Variants in TEAD4 observed in about 807,000 individuals in gnomAD.
TEAD4 encodes the protein TEA domain transcription factor 4, also known as transcriptional enhancer factor TEF-3.
Under a neutral mutation model 52.4 loss-of-function variants are expected in TEAD4, and 36 were observed. That is an observed-to-expected ratio of 0.69 (90% CI 0.53 to 0.91). TEAD4 has a LOEUF of 0.91. Ranked by LOEUF, TEAD4 falls within the 40% of genes least tolerant of loss-of-function variation. The pLI is 0.00. For synonymous variants in TEAD4, 220 were observed against 231.0 expected, an observed-to-expected ratio of 0.95 and a Z score of 0.43; for missense variants, 508 against 583.9, an observed-to-expected ratio of 0.87 and a Z score of 1.34.
intron 5 of TEAD4, among the ~76,000 whole-genome samples, chr12:3,012,860 C>G (rs147523722): frequency 5.9e-5 from 9 of 152,268 alleles, no homozygotes; most frequent in African/African-American, 2.2e-4. Flanking sequence ...AGTGAGCTCT[C>G]CATCAGGGAG....
chr12:3,034,387 C>T (rs1359382946), intron 10 of TEAD4, among the ~76,000 whole-genome samples: 3 of 152,108 alleles, frequency 2.0e-5, no homozygotes, highest in African/African-American at 7.2e-5. Flanking sequence ...GATTGAAGGC[C>T]CACCCTACTA....
At position 2,988,829 on chromosome 12, in the gene TEAD4, G is replaced by A. The variant is rs962629492; in HGVS notation, c.-29-5909G>A. Among the ~76,000 whole-genome samples, 6 of 152,280 alleles carry A rather than the reference G, an allele frequency of 3.9e-5. No individual in the cohort carries two copies. The South Asian group carries it at 1.2e-3, about 32-fold the overall frequency. On this transcript the variant is annotated intron_variant, in intron 2 of 12. Coordinates refer to ENST00000359864, the MANE Select transcript of TEAD4 (RefSeq NM_003213.4). ...CACCATAGACACCTAGAAGGACTGT[G>A]TTCGAGGAGCTTCCAGAAAGCTGAA...
In TEAD4 at chr12:2,992,993, T is replaced by C. The variant is rs376116873; in HGVS notation, c.-29-1745T>C. ...ACCAGAAAGTCAATCCTGCCGTTGC[T>C]CCAGTGTGTGAGGAGCTGCCAAGAC... On this transcript the variant is annotated intron_variant, in intron 2 of 12. Transcript: ENST00000359864. Among the ~76,000 whole-genome samples, 10 of 152,258 alleles carry C rather than the reference T, an allele frequency of 6.6e-5. No homozygotes were observed. The East Asian group carries it at 1.5e-3, about 24-fold the overall frequency.
At chr12:2,998,002 C>T (rs2098248594) in intron 3 of TEAD4, among the ~76,000 whole-genome samples, 2 of 152,128 alleles carry the variant, frequency 1.3e-5, no homozygotes, top group South Asian at 2.1e-4. Context: ...TCTCGCCATC[C>T]TCCCCGCCCT....
At chr12:2,992,605 C>T (rs1239152266) in intron 2 of TEAD4, among the ~76,000 whole-genome samples, 2 of 152,110 alleles carry the variant, frequency 1.3e-5, no homozygotes, top group Non-Finnish European at 2.9e-5. Context: ...TGGAAGTGGT[C>T]GAACTCAGGG....
chr12:3,012,118 G>A (rs2098260779), intron 4 of TEAD4, 52 bp from the exon 5 acceptor site: 3 of 1,598,230 alleles, frequency 1.9e-6, no homozygotes, highest in Non-Finnish European at 2.6e-6. Context: ...GCCAGGCTGG[G>A]GAACACAGGT....
chr12:2,970,211 G>A (rs1565522212), intron 2 of TEAD4, among the ~76,000 whole-genome samples: 3 of 152,334 alleles, frequency 2.0e-5, no homozygotes, highest in South Asian at 2.1e-4. Context: ...CGCTAGAACC[G>A]TAGTGTGTAT....
chr12:3,029,530 G>A (rs1369645583), intron 10 of TEAD4, among the ~76,000 whole-genome samples: 2 of 152,064 alleles, frequency 1.3e-5, no homozygotes, highest in East Asian at 1.9e-4. Context: ...GAGCCACCGC[G>A]CCCGGCCCAA....
At chr12:3,005,851 T>C (rs2098255521) in intron 3 of TEAD4, among the ~76,000 whole-genome samples, 1 of 152,122 alleles carries the variant, frequency 6.6e-6, no homozygotes, top group Non-Finnish European at 1.5e-5. Context: ...TTGCCCAGGC[T>C]GATCTTGAAT....
chr12:3,037,942 C>T (rs551166260), intron 10 of TEAD4, 26 bp from the exon 11 acceptor site: 1 of 1,602,282 alleles, frequency 6.2e-7, no homozygotes, highest in South Asian at 1.1e-5. Context: ...CTGACACTCC[C>T]TCGCCTTCCC....
At chr12:3,037,937 A>C in intron 10 of TEAD4, 31 bp from the exon 11 acceptor site, 1 of 1,595,492 alleles carries the variant, frequency 6.3e-7, no homozygotes, top group Non-Finnish European at 8.6e-7. Context: ...ACCTGCTGAC[A>C]CTCCCTCGCC....
chr12:3,025,844 G>A (rs1192398515), intron 10 of TEAD4, among the ~76,000 whole-genome samples: 1 of 152,094 alleles, frequency 6.6e-6, no homozygotes, highest in Non-Finnish European at 1.5e-5. Flanking sequence ...GCCTAGAAAT[G>A]ATTTTCGAGG....
At chr12:3,010,011 G>A (rs984995164) in intron 3 of TEAD4, among the ~76,000 whole-genome samples, 1 of 152,160 alleles carries the variant, frequency 6.6e-6, no homozygotes, top group Non-Finnish European at 1.5e-5. Context: ...AAGCCCTCCC[G>A]GTTCCGCAGC....
intron 3 of TEAD4, among the ~76,000 whole-genome samples, chr12:3,008,269 G>A (rs2098257487): frequency 6.6e-6 from 1 of 152,188 alleles, no homozygotes; most frequent in South Asian, 2.1e-4. Flanking sequence ...GGTGCAGGTG[G>A]TGTGGGACTC....
At chr12:3,014,839 T>C (rs2098263140) in intron 5 of TEAD4, among the ~76,000 whole-genome samples, 1 of 152,056 alleles carries the variant, frequency 6.6e-6, no homozygotes, top group East Asian at 1.9e-4. Flanking sequence ...TTAGATCGAG[T>C]ATCCAGGAAG....
intron 2 of TEAD4, among the ~76,000 whole-genome samples, chr12:2,983,433 G>A (rs1455309689): frequency 1.8e-4 from 27 of 152,144 alleles, no homozygotes; most frequent in Admixed American, 1.7e-3. Flanking sequence ...CTGGGATCTG[G>A]GGAGGGAGTG....
chr12:3,021,307 C>CTTTTTTTTTT (rs371527718), intron 9 of TEAD4, among the ~76,000 whole-genome samples: 2 of 133,184 alleles, frequency 1.5e-5, no homozygotes. Context: ...CTTCAAACTT[C>CTTTTTTTTTT]TTTTTTTTTT....
rs529196454 is a variant in TEAD4, at chr12:3,001,919, G to A, written c.226+6927G>A. ...CAGCCTGACCAACACAGTGAAACCC[G>A]TCTCTACTAAAAATACAAAATTACA... On this transcript the variant is annotated intron_variant, in intron 3 of 12. Transcript: ENST00000359864. Among the ~76,000 whole-genome samples, 12 of 152,104 alleles carry A rather than the reference G, an allele frequency of 7.9e-5. No homozygotes were observed. The South Asian group carries it at 1.2e-3, about 16-fold the overall frequency.
intron 2 of TEAD4, among the ~76,000 whole-genome samples, chr12:2,972,109 C>G (rs1206327120): frequency 6.6e-6 from 1 of 151,834 alleles, no homozygotes; most frequent in Non-Finnish European, 1.5e-5. Context: ...CACAGAGTCT[C>G]ACTCTGCCAC....
Sources: allele counts gnomAD v4.1 joint callset (sites outside exome capture counted in the v4.1 genomes callset), GRCh38; gene constraint gnomAD v4.1.1; transcripts MANE v1.5; gene names NCBI Gene and HGNC (gene_info 2026-07-23, HGNC 2026-07-21).